Variants in PCBP2 observed in about 807,000 individuals in gnomAD.
PCBP2 encodes the protein poly(rC) binding protein 2.
In PCBP2, 4 loss-of-function variants were observed where a neutral mutation model predicts 50.1. The observed-to-expected ratio is 0.08, with a 90% CI of 0.04 to 0.18. PCBP2 has a LOEUF of 0.18. Among genes scored for constraint, PCBP2 ranks in the 10% least tolerant of loss-of-function variants. The pLI is 1.00. For synonymous variants in PCBP2, 179 were observed against 168.0 expected, an observed-to-expected ratio of 1.07 and a Z score of -0.51; for missense variants, 161 against 474.3, an observed-to-expected ratio of 0.34 and a Z score of 6.14.
chr12:53,456,621 CAAAT>C (rs1376687598), intron 5 of PCBP2, among the ~76,000 whole-genome samples: 3 of 152,166 alleles, frequency 2.0e-5, no homozygotes, highest in East Asian at 1.9e-4. Context: ...GTTATAAACA[CAAAT>C]AATCTTCCAA....
chr12:53,455,378 A>G lies in PCBP2; in HGVS notation c.93+8A>G, dbSNP rs1940928843. ...GGCAGTATCATCGGAAAGGTAAGAC[A>G]ATTTCACTTCAACTTCAATTACCAT... On this transcript the variant is annotated splice_region_variant and intron_variant, in intron 3 of 14. Coordinates refer to ENST00000546463, the MANE Select transcript of PCBP2 (RefSeq NM_031989.5). 1 of 1,614,006 alleles carries G rather than the reference A, an allele frequency of 6.2e-7. No individual in the cohort carries two copies. The highest frequency in any genetic ancestry group is 1.3e-5 in the African/African-American group (1 of 74,944).
chr12:53,472,454 C>G (rs1412897486), intron 14 of PCBP2, among the ~76,000 whole-genome samples: 3 of 152,206 alleles, frequency 2.0e-5, no homozygotes, highest in Admixed American at 6.5e-5. Context: ...TGTTACTACT[C>G]TCAATTTTAG....
chr12:53,459,823 T>A (rs1941318443), intron 6 of PCBP2: 1 of 452,690 alleles, frequency 2.2e-6, no homozygotes, highest in African/African-American at 2.0e-5. Context: ...GGCGCAGTCA[T>A]GGCTCACTGC....
intron 1 of PCBP2, chr12:53,453,157 C>T (rs1254005385): frequency 1.3e-5 from 2 of 150,730 alleles, no homozygotes; most frequent in African/African-American, 4.9e-5. Flanking sequence ...GTTAGAAATG[C>T]ATCTTTGTAC....
At chr12:53,471,505 C>A in intron 13 of PCBP2, 133 bp from the exon 14 acceptor site, 1 of 777,922 alleles carries the variant, frequency 1.3e-6, no homozygotes, top group Non-Finnish European at 1.9e-6. Flanking sequence ...GCTGAGGTTG[C>A]ACAGTGAGCC....
chr12:53,455,693 T>A (rs1396392172), intron 4 of PCBP2, among the ~76,000 whole-genome samples, 192 bp from the exon 5 acceptor site: 3 of 152,152 alleles, frequency 2.0e-5, no homozygotes, highest in Non-Finnish European at 2.9e-5. Context: ...CAAGTCAGAA[T>A]TCTTTCAAGA....
intron 14 of PCBP2, among the ~76,000 whole-genome samples, chr12:53,477,616 A>G (rs866709106): frequency 2.2e-5 from 3 of 135,504 alleles, no homozygotes; most frequent in African/African-American, 8.2e-5. Flanking sequence ...CAGTGAGCCG[A>G]GACCGCGCCA....
intron 13 of PCBP2, 66 bp downstream of exon 13, chr12:53,468,898 T>TA: frequency 8.6e-7 from 1 of 1,157,908 alleles, no homozygotes; most frequent in Non-Finnish European, 1.3e-6. Flanking sequence ...AGATGTCGTT[T>TA]CAGCAGTGTC....
intron 14 of PCBP2, among the ~76,000 whole-genome samples, chr12:53,478,908 A>AT (rs1439457835): frequency 1.3e-5 from 2 of 152,058 alleles, no homozygotes; most frequent in Non-Finnish European, 2.9e-5. Context: ...TTACCTCATA[A>AT]TACCCTACAC....
intron 4 of PCBP2, among the ~76,000 whole-genome samples, 153 bp downstream of exon 4, chr12:53,455,646 A>G (rs774829305): frequency 1.3e-5 from 2 of 149,034 alleles, no homozygotes; most frequent in African/African-American, 2.5e-5. Context: ...TGGGGAGTGT[A>G]TTTTTTTTTT....
intron 14 of PCBP2, among the ~76,000 whole-genome samples, chr12:53,472,979 T>C (rs1374851067): frequency 1.3e-5 from 2 of 152,204 alleles, no homozygotes; most frequent in Non-Finnish European, 2.9e-5. Flanking sequence ...CAAAGAGGTC[T>C]TTTTCTTTTT....
intron 5 of PCBP2, among the ~76,000 whole-genome samples, chr12:53,457,076 A>G: frequency 6.6e-6 from 1 of 151,722 alleles, no homozygotes. Flanking sequence ...CTTTTGAGGC[A>G]GGGTTGTGCT....
At chr12:53,456,245 A>G (rs1251355676) in intron 5 of PCBP2, among the ~76,000 whole-genome samples, 13 of 152,154 alleles carry the variant, frequency 8.5e-5, no homozygotes, top group Non-Finnish European at 1.9e-4. Context: ...AGGCGGGCAG[A>G]TAAACGAGGT....
intron 14 of PCBP2, among the ~76,000 whole-genome samples, chr12:53,473,011 G>GTCAGGCTC (rs1942342191): frequency 7.9e-5 from 12 of 152,012 alleles, no homozygotes. Context: ...TTTCATGTTG[G>GTCAGGCTC]TCAGGCTCGT....
At chr12:53,459,847 CCTTCCCAGCCTCAGGCGATCCTCT>C (rs1291114594) in intron 6 of PCBP2, 5 of 454,276 alleles carry the variant, frequency 1.1e-5, no homozygotes, top group Non-Finnish European at 2.2e-5. Flanking sequence ...AAAACATCGA[CCTTCCCAGCCTCAGGCGATCCTCT>C]CATCTCAGCC....
intron 4 of PCBP2, 139 bp downstream of exon 4, chr12:53,455,632 A>G (rs1016710603): frequency 2.2e-6 from 2 of 893,704 alleles, no homozygotes; most frequent in Non-Finnish European, 3.5e-6. Flanking sequence ...TTGTAGTGAT[A>G]ATCTGGGGAG....
chr12:53,466,599 G>A (rs1049585657), intron 10 of PCBP2, among the ~76,000 whole-genome samples: 2 of 152,182 alleles, frequency 1.3e-5, no homozygotes, highest in Non-Finnish European at 2.9e-5. Context: ...TTAGACTTGG[G>A]AAGTTGAGTT....
intron 14 of PCBP2, chr12:53,475,089 C>T (rs1311086960): frequency 4.4e-6 from 2 of 456,422 alleles, no homozygotes; most frequent in Non-Finnish European, 8.8e-6. Context: ...ACCCATCCCT[C>T]TCCTGGCTCT....
chr12:53,464,311 A>ACCCTCCCT (rs1164067009), intron 8 of PCBP2, among the ~76,000 whole-genome samples: 70 of 41,162 alleles, frequency 1.7e-3, no homozygotes, highest in Non-Finnish European at 1.9e-3. Context: ...TTCCCTACCC[A>ACCCTCCCT]CCCTCCCTCC....
Sources: gnomAD v4.1 joint callset for allele counts (sites outside exome capture counted in the v4.1 genomes callset) on GRCh38, gnomAD v4.1.1 for gene constraint, MANE v1.5 for transcripts, NCBI Gene and HGNC (gene_info 2026-07-23, HGNC 2026-07-21) for gene names.